The following TRIM26 variants were observed in gnomAD, a reference collection of about 807,000 sequenced individuals.
The protein encoded by TRIM26 is tripartite motif containing 26.
In TRIM26, 16 loss-of-function variants were observed where a neutral mutation model predicts 45.5. The ratio of observed to expected loss-of-function variants is 0.35; its 90% CI spans 0.24 to 0.53. The LOEUF (loss-of-function observed/expected upper bound fraction) is 0.53, where lower values mean the gene tolerates loss of function less well. TRIM26 is among the 20% of genes least tolerant of loss of function. The pLI, the probability that TRIM26 is intolerant of heterozygous loss-of-function variation, is 0.92. For synonymous variants in TRIM26, 273 were observed against 290.4 expected (o/e 0.94, Z 0.61); for missense variants, 442 against 691.1 (o/e 0.64, Z 4.04).
chr6:30,212,915 C>CA (rs3059548), intron 1 of TRIM26, among the ~76,000 whole-genome samples: 108 of 130,288 alleles, frequency 8.3e-4, no homozygotes, highest in East Asian at 1.6e-3. Flanking sequence ...TTACTCCGAA[C>CA]AAAAAAAAAA....
chr6:30,205,999 A>G (rs1013632717), intron 1 of TRIM26, among the ~76,000 whole-genome samples: 13 of 152,354 alleles, frequency 8.5e-5, no homozygotes, highest in Admixed American at 2.0e-4. Context: ...CTTCTCAAGC[A>G]TATGTCTGGA....
In TRIM26 at chr6:30,198,078, T is replaced by C. The variant is rs186876425; in HGVS notation, c.534+351A>G. Among the ~76,000 whole-genome samples the C allele has an allele frequency of 9.9e-5, 15 of 152,268 alleles. No individual in the cohort carries two copies. The highest frequency in any genetic ancestry group is 7.7e-4 in the East Asian group (4 of 5,184). ...ACTCTCAGGCAACCTTGTCTCTCTCTCTCTCTTTGAAAGGAAGAATGAAGC... is the reference window on the plus strand; with the variant it reads ...ACTCTCAGGCAACCTTGTCTCTCTCCCTCTCTTTGAAAGGAAGAATGAAGC... On this transcript the variant is annotated intron_variant, in intron 5 of 9. Coordinates refer to ENST00000454678, the MANE Select transcript of TRIM26 (RefSeq NM_003449.5). This position sits in a 1 kb window ranked among gnomAD's most constrained non-coding sequence, Gnocchi z 6.3.
chr6:30,185,667 TG>T lies in TRIM26; in HGVS notation c.*208del. On this transcript the variant is annotated 3_prime_UTR_variant, in exon 10 of 10. Coordinates refer to ENST00000454678, the MANE Select transcript of TRIM26 (RefSeq NM_003449.5). The surrounding 1 kb of genome is among the most constrained non-coding windows in gnomAD (Gnocchi z 5.7). Reference sequence around the variant, plus strand: ...GTTCCCTCGGGAAACCAGCAGGAGGTGGGAAAAGAGCCCCATTAGGGCAGTA... The same window carrying T: ...GTTCCCTCGGGAAACCAGCAGGAGGTGGAAAAGAGCCCCATTAGGGCAGTA... The T allele has an allele frequency of 3.5e-6, 2 of 575,168 alleles. No individual in the cohort carries two copies. Among genetic ancestry groups the T allele is most frequent in the Middle Eastern group, 2.7e-4 (1 of 3,750 alleles). 35.6% of individuals were successfully genotyped at this position (575,168 alleles called of 1,614,324 possible). A position where few individuals can be genotyped will look rare whatever the true frequency, so the allele number is the denominator to read the frequency against.
chr6:30,196,514 A>C lies in TRIM26; in HGVS notation c.765+2T>G. 6.2e-7 allele frequency: 1 copy of C among 1,606,186 alleles called. No homozygotes were observed. The highest frequency in any genetic ancestry group is 8.5e-7 in the Non-Finnish European group (1 of 1,179,664). On this transcript the variant is annotated splice_donor_variant, in intron 6 of 9. Transcript: ENST00000454678. LOFTEE classifies it high-confidence loss of function. The surrounding 1 kb of genome is among the most constrained non-coding windows in gnomAD (Gnocchi z 4.9). Reference sequence around the variant, plus strand: ...GCGCCCTGCCCAGGGACGGCCTCTCACCTGCATGAGCTCTGCAGCTGGCTG... The same window carrying C: ...GCGCCCTGCCCAGGGACGGCCTCTCCCCTGCATGAGCTCTGCAGCTGGCTG...
intron 6 of TRIM26, among the ~76,000 whole-genome samples, chr6:30,194,232 C>T (rs1045338751): frequency 4.0e-5 from 6 of 150,344 alleles, no homozygotes; most frequent in Non-Finnish European, 5.9e-5. Context: ...CATATATACA[C>T]AATGGAGTAC....
chr6:30,206,757 G>C (rs984997397), intron 1 of TRIM26, among the ~76,000 whole-genome samples: 3 of 152,188 alleles, frequency 2.0e-5, no homozygotes, highest in Admixed American at 6.5e-5. Context: ...GATCTCCAGA[G>C]GTGGCCCAGG....
In TRIM26 at chr6:30,198,699, G is replaced by A. The variant is rs766149756; in HGVS notation, c.405C>T (p.Ala135=). ...RESREHRPHT[A]VLMEKAAQPH... ...GCTGGGCGGCCTTCTCCATGAGGAC[G>A]GCCGTGTGGGGCCTGTGCTCCCGGG... Residue 135 remains alanine (A), a synonymous_variant, in exon 4 of 10, where the codon GCC becomes GCT. Transcript: ENST00000454678. This position sits in a 1 kb window ranked among gnomAD's most constrained non-coding sequence, Gnocchi z 6.3. The A allele has an allele frequency of 1.0e-5, 16 of 1,604,606 alleles. No homozygotes were observed. Among genetic ancestry groups the A allele is most frequent in the African/African-American group, 2.7e-5 (2 of 74,894 alleles).
At chr6:30,200,354 G>A (rs1462078302) in intron 3 of TRIM26, among the ~76,000 whole-genome samples, 2 of 152,146 alleles carry the variant, frequency 1.3e-5, no homozygotes, top group Non-Finnish European at 2.9e-5. Context: ...ACCAAAACTC[G>A]AGAAGCATCA....
At chr6:30,195,758 G>C (rs1382250335) in intron 6 of TRIM26, among the ~76,000 whole-genome samples, 1 of 152,140 alleles carries the variant, frequency 6.6e-6, no homozygotes, top group East Asian at 1.9e-4. Flanking sequence ...AGTGCAAGTG[G>C]GGGAATACCA....
chr6:30,205,103 T>C (rs1027466455), intron 1 of TRIM26, among the ~76,000 whole-genome samples: 5 of 151,854 alleles, frequency 3.3e-5, no homozygotes, highest in Admixed American at 3.3e-4. Context: ...TAGCCAGGTG[T>C]GGTGGCGCAT....
chr6:30,212,770 GTCCC>G (rs1778409216), intron 1 of TRIM26, among the ~76,000 whole-genome samples: 1 of 152,050 alleles, frequency 6.6e-6, no homozygotes, highest in African/African-American at 2.4e-5. Flanking sequence ...TTGGAAGTGT[GTCCC>G]TCCCATTTAC....
In TRIM26 at chr6:30,186,569, A is replaced by G; in HGVS notation, c.938-11T>C. ...CCAGGGTGACGCTCACTGTGGGGAC[A>G]AGGGAAAAAAAAAAAAACAGCATCA... is the stretch of plus-strand genomic sequence containing the variant. On this transcript the variant is annotated splice_polypyrimidine_tract_variant and intron_variant, in intron 9 of 9. Coordinates refer to ENST00000454678, the MANE Select transcript of TRIM26 (RefSeq NM_003449.5). This position sits in a 1 kb window ranked among gnomAD's most constrained non-coding sequence, Gnocchi z 7.4. 6.8e-7 allele frequency: 1 copy of G among 1,466,314 alleles called. No homozygotes were observed. The highest frequency in any genetic ancestry group is 9.0e-7 in the Non-Finnish European group (1 of 1,113,148). The allele number at this position is 1,466,314 out of a possible 1,614,324, so 90.8% of individuals were successfully genotyped here. A position where few individuals can be genotyped will look rare whatever the true frequency, so the allele number is the denominator to read the frequency against.
chr6:30,189,149 C>T lies in TRIM26; in HGVS notation c.937+18G>A, dbSNP rs377698682. 1.0e-4 allele frequency: 167 copies of T among 1,608,898 alleles called. No homozygotes were observed. The highest frequency in any genetic ancestry group is 1.3e-5 in the Non-Finnish European group (15 of 1,178,812). On this transcript the variant is annotated intron_variant, in intron 9 of 9. Transcript: ENST00000454678. This position sits in a 1 kb window ranked among gnomAD's most constrained non-coding sequence, Gnocchi z 5.0. ...CTATATTTGATGTACATCTGGGAAACACCCTCTAGACACTCACCTGTCTTA... is the reference window on the plus strand; with the variant it reads ...CTATATTTGATGTACATCTGGGAAATACCCTCTAGACACTCACCTGTCTTA...
intron 9 of TRIM26, chr6:30,187,440 T>C (rs1775306001): frequency 1.2e-5 from 6 of 499,926 alleles, no homozygotes; most frequent in Non-Finnish European, 2.4e-5. Flanking sequence ...CAGGTTATGA[T>C]AAAGCTCTCC....
rs1775180292 is a variant in TRIM26, at chr6:30,186,320, T to TCCCTCTTCCTCCTCATCC, written c.1158_1175dup (p.Asp387_Gly392dup). The stretch of plus-strand genomic sequence containing the variant: ...CCTCCTCTTCCTCCTCCTCCTCTTC[T>TCCCTCTTCCTCCTCATCC]CCCTCTTCCTCCTCATCCCCCTCTT... On this transcript the variant is annotated inframe_insertion, in exon 10 of 10. Coordinates refer to ENST00000454678, the MANE Select transcript of TRIM26 (RefSeq NM_003449.5). This position sits in a 1 kb window ranked among gnomAD's most constrained non-coding sequence, Gnocchi z 7.4. 6.2e-7 allele frequency: 1 copy of TCCCTCTTCCTCCTCATCC among 1,610,584 alleles called. No individual in the cohort carries two copies. Among genetic ancestry groups the TCCCTCTTCCTCCTCATCC allele is most frequent in the African/African-American group, 1.3e-5 (1 of 74,800 alleles).
At position 30,198,788 on chromosome 6, in the gene TRIM26, G is replaced by C. The variant is rs753620093; in HGVS notation, c.316C>G (p.Arg106Gly). 6.2e-7 allele frequency: 1 copy of C among 1,605,866 alleles called. No individual in the cohort carries two copies. The highest frequency in any genetic ancestry group is 1.7e-5 in the Admixed American group (1 of 60,008). Reference sequence around the variant, plus strand: ...TCACAGTAGTAGTGCAGCTTCTCTCGGTGTCGCTCGCACAACTTTGCATCC... The same window carrying C: ...TCACAGTAGTAGTGCAGCTTCTCTCCGTGTCGCTCGCACAACTTTGCATCC... ...QQDAKLCERH[R>G]EKLHYYCEDD... Residue 106 changes from arginine to glycine, a missense_variant, in exon 4 of 10, where the codon CGA becomes GGA. Transcript: ENST00000454678. The surrounding 1 kb of genome is among the most constrained non-coding windows in gnomAD (Gnocchi z 6.3).
rs1203172910 is a variant in TRIM26 at position 30,184,530 on chromosome 6, G to C, written c.*1346C>G. 6.6e-6 allele frequency: 1 copy of C among 152,404 alleles called. No individual in the cohort carries two copies. The highest frequency in any genetic ancestry group is 6.5e-5 in the Admixed American group (1 of 15,284). 9.4% of individuals were successfully genotyped at this position (152,404 alleles called of 1,614,324 possible). ...TAGGTGCCATGAGAATACAAGAGTA[G>C]TATAAGATGTTATCCGCCCTCCAGG... On this transcript the variant is annotated 3_prime_UTR_variant, in exon 10 of 10. Transcript: ENST00000454678.
chr6:30,187,219 A>C (rs1440197322), intron 9 of TRIM26: 2 of 273,120 alleles, frequency 7.3e-6, no homozygotes, highest in Non-Finnish European at 1.5e-5. Context: ...CAACATTTTC[A>C]ATTTCCTGAA....
At chr6:30,205,651 A>G (rs986713691) in intron 1 of TRIM26, among the ~76,000 whole-genome samples, 3 of 152,194 alleles carry the variant, frequency 2.0e-5, no homozygotes, top group African/African-American at 7.2e-5. Flanking sequence ...CAGCCTGGGT[A>G]ATATAGTGAG....
Sources: gnomAD v4.1 joint callset for allele counts (sites outside exome capture counted in the v4.1 genomes callset) on GRCh38, gnomAD v4.1.1 for gene constraint, Gnocchi (gnomAD v3.1) non-coding constraint, MANE v1.5 for transcripts, NCBI Gene and HGNC (gene_info 2026-07-23, HGNC 2026-07-21) for gene names.